The following BRSK1 variants were observed in gnomAD, a reference collection of about 807,000 sequenced individuals.
The protein encoded by BRSK1 is serine/threonine-protein kinase BRSK1.
BRSK1 carries 17 observed loss-of-function variants against 86.2 expected under a neutral mutation model. The observed-to-expected ratio is 0.20, with a 90% CI of 0.14 to 0.30. The LOEUF (loss-of-function observed/expected upper bound fraction) is 0.30, where lower values mean the gene tolerates loss of function less well. Among genes scored for constraint, BRSK1 ranks in the 10% least tolerant of loss-of-function variants. The probability of loss-of-function intolerance (pLI) is 1.00; values close to 1 mark genes in which losing one functional copy is unlikely to be tolerated. For missense variants in BRSK1, 719 were observed against 1,071.9 expected, an observed-to-expected ratio of 0.67 and a Z score of 4.60; for synonymous variants, 464 against 440.1, an observed-to-expected ratio of 1.05 and a Z score of -0.68.
chr19:55,306,575 C>A lies in BRSK1; in HGVS notation c.2089+125C>A. The A allele has an allele frequency of 1.8e-6, 2 of 1,086,054 alleles. No homozygotes were observed. Among genetic ancestry groups the A allele is most frequent in the Non-Finnish European group, 1.3e-6 (1 of 749,274 alleles). 67.3% of individuals were successfully genotyped at this position (1,086,054 alleles called of 1,614,324 possible). ...ATGGTGTTCAGCTGGTGCCGACTCTCTGTGCTCCTCCTGCCCACACAGACC... is the reference window on the plus strand; with the variant it reads ...ATGGTGTTCAGCTGGTGCCGACTCTATGTGCTCCTCCTGCCCACACAGACC... On this transcript the variant is annotated intron_variant, in intron 17 of 18. Coordinates refer to ENST00000309383, the MANE Select transcript of BRSK1 (RefSeq NM_032430.2). This position sits in a 1 kb window ranked among gnomAD's most constrained non-coding sequence, Gnocchi z 4.7.
chr19:55,306,500 G>A lies in BRSK1; in HGVS notation c.2089+50G>A, dbSNP rs937765141. ...GCAGCCCAGTGCTGGGACTGTTCAC[G>A]ACAGCTGAGACAGTGTAGGGGCCCA... On this transcript the variant is annotated intron_variant, in intron 17 of 18. Transcript: ENST00000309383. This position sits in a 1 kb window ranked among gnomAD's most constrained non-coding sequence, Gnocchi z 4.7. 18 of 1,592,890 alleles carry A rather than the reference G, an allele frequency of 1.1e-5. No homozygotes were observed. The highest frequency in any genetic ancestry group is 6.7e-5 in the African/African-American group (5 of 74,662).
intron 7 of BRSK1, among the ~76,000 whole-genome samples, chr19:55,300,853 A>G (rs948914754): frequency 1.3e-5 from 2 of 152,106 alleles, no homozygotes; most frequent in Non-Finnish European, 2.9e-5. Context: ...AAAAAGAAAG[A>G]AAGAAAGAAA....
At chr19:55,295,533 T>C (rs555739317) in intron 7 of BRSK1, among the ~76,000 whole-genome samples, 1 of 152,260 alleles carries the variant, frequency 6.6e-6, no homozygotes, top group African/African-American at 2.4e-5. Flanking sequence ...TTCACAGAAC[T>C]GTGGGTTAAA....
At position 55,284,056 on chromosome 19, in the gene BRSK1, A is replaced by C; in HGVS notation, c.-387A>C. On this transcript the variant is annotated 5_prime_UTR_variant, in exon 1 of 19. Coordinates refer to ENST00000309383, the MANE Select transcript of BRSK1 (RefSeq NM_032430.2). ...GAGGTGGCGGGGGGAGGCGGAGAGG[A>C]GGAGGAGGCGGAGGAGAGAGGGCGC... 1 of 905,068 alleles carries C rather than the reference A, an allele frequency of 1.1e-6. No homozygotes were observed. The highest frequency in any genetic ancestry group is 1.4e-6 in the Non-Finnish European group (1 of 732,938). The allele number at this position is 905,068 out of a possible 1,614,324, so 56.1% of individuals were successfully genotyped here.
Position 55,287,194 on chromosome 19 carries a change from C to T in BRSK1, c.232-20C>T, listed in dbSNP as rs779450237. 1 of 1,613,928 alleles carries T rather than the reference C, an allele frequency of 6.2e-7. No individual in the cohort carries two copies. The highest frequency in any genetic ancestry group is 8.5e-7 in the Non-Finnish European group (1 of 1,179,872). On this transcript the variant is annotated intron_variant, in intron 2 of 18. Coordinates refer to ENST00000309383, the MANE Select transcript of BRSK1 (RefSeq NM_032430.2). This position sits in a 1 kb window ranked among gnomAD's most constrained non-coding sequence, Gnocchi z 5.3. ...CGTGCTGACCTCTTTTCCCGTGTCCCCACCCCTCTTGACCCTCAGGTGGAG... is the reference window on the plus strand; with the variant it reads ...CGTGCTGACCTCTTTTCCCGTGTCCTCACCCCTCTTGACCCTCAGGTGGAG...
In BRSK1 at chr19:55,287,446, GCACAGGGAAGCCCCTGACA is replaced by G. The variant is rs2088335576; in HGVS notation, c.317+157_317+175del. ...CTGAAGGCCCAGTTCCTTGCCTGTT[GCACAGGGAAGCCCCTGACA>G]CACAGGGAACCCCACTGTTGTCACG... On this transcript the variant is annotated intron_variant, in intron 3 of 18. Coordinates refer to ENST00000309383, the MANE Select transcript of BRSK1 (RefSeq NM_032430.2). The surrounding 1 kb of genome is among the most constrained non-coding windows in gnomAD (Gnocchi z 5.3). 2.8e-6 allele frequency: 2 copies of G among 724,780 alleles called. No homozygotes were observed. Among genetic ancestry groups the G allele is most frequent in the Non-Finnish European group, 4.6e-6 (2 of 430,112 alleles). 44.9% of individuals were successfully genotyped at this position (724,780 alleles called of 1,614,324 possible).
At chr19:55,297,361 C>T (rs2088504243) in intron 7 of BRSK1, among the ~76,000 whole-genome samples, 1 of 152,174 alleles carries the variant, frequency 6.6e-6, no homozygotes. Context: ...GCCACCACGC[C>T]CAGCCATAAG....
intron 7 of BRSK1, among the ~76,000 whole-genome samples, chr19:55,295,395 T>C (rs2122956356): frequency 6.6e-6 from 1 of 152,256 alleles, no homozygotes; most frequent in East Asian, 1.9e-4. Context: ...AGTGTTGGGA[T>C]TACATGCGTG....
intron 4 of BRSK1, among the ~76,000 whole-genome samples, chr19:55,292,765 C>T (rs1421821631): frequency 1.3e-5 from 2 of 151,108 alleles, no homozygotes; most frequent in East Asian, 1.9e-4. Flanking sequence ...GCCCAGGAGA[C>T]GGAGGTTGCA....
At position 55,302,972 on chromosome 19, in the gene BRSK1, G is replaced by A; in HGVS notation, c.1028+105G>A. 6.9e-7 allele frequency: 1 copy of A among 1,446,690 alleles called. No homozygotes were observed. The highest frequency in any genetic ancestry group is 2.4e-5 in the Admixed American group (1 of 42,152). The allele number at this position is 1,446,690 out of a possible 1,614,324, so 89.6% of individuals were successfully genotyped here. A position where few individuals can be genotyped will look rare whatever the true frequency, so the allele number is the denominator to read the frequency against. On this transcript the variant is annotated intron_variant, in intron 10 of 18. Coordinates refer to ENST00000309383, the MANE Select transcript of BRSK1 (RefSeq NM_032430.2). This position sits in a 1 kb window ranked among gnomAD's most constrained non-coding sequence, Gnocchi z 6.3. ...GGCGAGGAACCCTGGCCTCTCATGG[G>A]GCATGGTTTGAAGCTCCCGCCTGGG...
At chr19:55,300,133 C>T (rs1025920865) in intron 7 of BRSK1, among the ~76,000 whole-genome samples, 2 of 152,160 alleles carry the variant, frequency 1.3e-5, no homozygotes, top group African/African-American at 2.4e-5. Context: ...TGTCAGGCAG[C>T]GTCCCAGGCC....
chr19:55,289,935 A>T (rs2088379510), intron 4 of BRSK1, among the ~76,000 whole-genome samples: 1 of 151,904 alleles, frequency 6.6e-6, no homozygotes, highest in African/African-American at 2.4e-5. Flanking sequence ...GTCTGTATGG[A>T]TTTACCTATT....
chr19:55,311,433 A>T (rs1030600576), intron 18 of BRSK1, among the ~76,000 whole-genome samples: 2 of 152,178 alleles, frequency 1.3e-5, no homozygotes, highest in African/African-American at 4.8e-5. Flanking sequence ...AGGCTGGCCC[A>T]GCATGAGGGG....
In BRSK1 at chr19:55,307,315, T is replaced by G. The variant is rs367985228; in HGVS notation, c.2089+865T>G. Among the ~76,000 whole-genome samples the G allele has an allele frequency of 7.2e-5, 11 of 152,106 alleles. No homozygotes were observed. In the East Asian group the frequency reaches 9.6e-4, roughly 13 times the overall value. On this transcript the variant is annotated intron_variant, in intron 17 of 18. Coordinates refer to ENST00000309383, the MANE Select transcript of BRSK1 (RefSeq NM_032430.2). ...TGGCTCACGCCTGTAATCCCAGCAC[T>G]TTGGGAGGCTGAGACGAGCAGGTCA...
Position 55,302,975 on chromosome 19 carries a change from A to G in BRSK1, c.1028+108A>G, listed in dbSNP as rs2088594638. 7.0e-7 allele frequency: 1 copy of G among 1,432,210 alleles called. No homozygotes were observed. The highest frequency in any genetic ancestry group is 1.4e-5 in the South Asian group (1 of 71,492). 88.7% of individuals were successfully genotyped at this position (1,432,210 alleles called of 1,614,324 possible). On this transcript the variant is annotated intron_variant, in intron 10 of 18. Coordinates refer to ENST00000309383, the MANE Select transcript of BRSK1 (RefSeq NM_032430.2). The surrounding 1 kb of genome is among the most constrained non-coding windows in gnomAD (Gnocchi z 6.3). ...GAGGAACCCTGGCCTCTCATGGGGC[A>G]TGGTTTGAAGCTCCCGCCTGGGAGT...
chr19:55,307,747 T>TACACACACAC lies in BRSK1; in HGVS notation c.2090-860_2090-851dup, dbSNP rs68176323. ...TCTACAAAACAAACAAAAAAATTTA[T>TACACACACAC]ACACACACACACACACACACACACA... is the stretch of plus-strand genomic sequence containing the variant. On this transcript the variant is annotated intron_variant, in intron 17 of 18. Coordinates refer to ENST00000309383, the MANE Select transcript of BRSK1 (RefSeq NM_032430.2). Among the ~76,000 whole-genome samples the TACACACACAC allele has an allele frequency of 4.2e-3, 367 of 88,120 alleles. 6 individuals are homozygous for TACACACACAC. The highest frequency in any genetic ancestry group is 0.016 in the African/African-American group (313 of 19,106). The allele number at this position is 88,120 out of a possible 152,430, so 57.8% of individuals were successfully genotyped here.
rs946445206 is a variant in BRSK1, at chr19:55,304,929, G to T, written c.1717+9G>T. The T allele has an allele frequency of 1.2e-6, 2 of 1,605,160 alleles. No individual in the cohort carries two copies. The highest frequency in any genetic ancestry group is 8.5e-7 in the Non-Finnish European group (1 of 1,179,610). Reference sequence around the variant, plus strand: ...CCGGCGCAAGATGCAGGGTATGGGGGCATGAACTGCCGAGTCCTAATGTGG... The same window carrying T: ...CCGGCGCAAGATGCAGGGTATGGGGTCATGAACTGCCGAGTCCTAATGTGG... On this transcript the variant is annotated intron_variant, in intron 14 of 18. Coordinates refer to ENST00000309383, the MANE Select transcript of BRSK1 (RefSeq NM_032430.2). This position sits in a 1 kb window ranked among gnomAD's most constrained non-coding sequence, Gnocchi z 5.2.
chr19:55,296,129 TC>T (rs1194277602), intron 7 of BRSK1, among the ~76,000 whole-genome samples: 1 of 151,930 alleles, frequency 6.6e-6, no homozygotes, highest in Non-Finnish European at 1.5e-5. Context: ...CCAGGAAGCT[TC>T]CCCTGCCCCC....
chr19:55,297,555 C>G (rs2088507258), intron 7 of BRSK1, among the ~76,000 whole-genome samples: 1 of 152,202 alleles, frequency 6.6e-6, no homozygotes, highest in African/African-American at 2.4e-5. Flanking sequence ...AGGCCAGCTC[C>G]AAGCTGGCTT....
Sources: gnomAD v4.1 joint callset for allele counts (sites outside exome capture counted in the v4.1 genomes callset) on GRCh38, gnomAD v4.1.1 for gene constraint, Gnocchi (gnomAD v3.1) non-coding constraint, MANE v1.5 for transcripts, NCBI Gene and HGNC (gene_info 2026-07-23, HGNC 2026-07-21) for gene names.